The following RNGTT variants were observed in gnomAD, a reference collection of about 807,000 sequenced individuals.
RNGTT encodes RNA guanylyltransferase and 5'-phosphatase.
RNGTT carries 33 observed loss-of-function variants against 79.3 expected under a neutral mutation model. That is an observed-to-expected ratio of 0.42 (90% CI 0.32 to 0.56). RNGTT has a LOEUF of 0.56. Ranked by LOEUF, RNGTT falls within the 20% of genes least tolerant of loss-of-function variation. The pLI is 0.17. For missense variants in RNGTT, 497 were observed against 739.1 expected, an observed-to-expected ratio of 0.67 and a Z score of 3.80; for synonymous variants, 222 against 235.9, an observed-to-expected ratio of 0.94 and a Z score of 0.54.
chr6:88,812,334 AT>A (rs1022691276), intron 11 of RNGTT, among the ~76,000 whole-genome samples: 10 of 152,346 alleles, frequency 6.6e-5, no homozygotes, highest in Non-Finnish European at 8.8e-5. Flanking sequence ...TACCCTCTTA[AT>A]TTTGGTTGCC....
chr6:88,778,650 C>T (rs974199930), intron 12 of RNGTT, among the ~76,000 whole-genome samples: 32 of 151,842 alleles, frequency 2.1e-4, no homozygotes, highest in South Asian at 2.1e-3. Context: ...TCCATTGCAC[C>T]CAGCTCAAAC....
intron 8 of RNGTT, among the ~76,000 whole-genome samples, chr6:88,856,681 T>G (rs1781855187): frequency 6.6e-6 from 1 of 152,178 alleles, no homozygotes; most frequent in South Asian, 2.1e-4. Context: ...GTTCCTGAGC[T>G]ATGATTTTTA....
At chr6:88,927,410 C>T (rs547972584) in intron 4 of RNGTT, among the ~76,000 whole-genome samples, 2 of 152,242 alleles carry the variant, frequency 1.3e-5, no homozygotes, top group East Asian at 3.9e-4. Flanking sequence ...CACCTGTAAT[C>T]CCAGCACTTT....
Position 88,611,844 on chromosome 6 carries a change from TCA to T in RNGTT, c.*873_*874del, listed in dbSNP as rs1417123911. 1 of 152,666 alleles carries T rather than the reference TCA, an allele frequency of 6.6e-6. No individual in the cohort carries two copies. The highest frequency in any genetic ancestry group is 6.5e-5 in the Admixed American group (1 of 15,288). 9.5% of individuals were successfully genotyped at this position (152,666 alleles called of 1,614,324 possible). A position where few individuals can be genotyped will look rare whatever the true frequency, so the allele number is the denominator to read the frequency against. On this transcript the variant is annotated 3_prime_UTR_variant, in exon 16 of 16. Transcript: ENST00000369485. ...TTGTATTTGATATCACTCCCATAGA[TCA>T]CAGTGAGTTGTGTGTTTTAACGTAA...
At chr6:88,892,860 A>G (rs1417435626) in intron 6 of RNGTT, among the ~76,000 whole-genome samples, 1 of 152,128 alleles carries the variant, frequency 6.6e-6, no homozygotes, top group East Asian at 1.9e-4. Context: ...TTAATACTTC[A>G]TCCACATACA....
Position 88,811,493 on chromosome 6 carries a change from C to T in RNGTT, c.1270-9861G>A, listed in dbSNP as rs1209397212. Among the ~76,000 whole-genome samples, 4 of 151,886 alleles carry T rather than the reference C, an allele frequency of 2.6e-5. No individual in the cohort carries two copies. The South Asian group carries it at 6.2e-4, about 24-fold the overall frequency. On this transcript the variant is annotated intron_variant, in intron 11 of 15. Transcript: ENST00000369485. ...TTATGTCTATGAATCATGATGTAAC[C>T]GAAAACCAAGTTGTTATAAATGCAT...
At chr6:88,800,870 GCTCCTGGCATCTATA>G (rs1402039767) in intron 12 of RNGTT, among the ~76,000 whole-genome samples, 1 of 152,178 alleles carries the variant, frequency 6.6e-6, no homozygotes, top group African/African-American at 2.4e-5. Flanking sequence ...TAGGGAGCAT[GCTCCTGGCATCTATA>G]CTCCTGGCAT....
intron 13 of RNGTT, among the ~76,000 whole-genome samples, chr6:88,747,845 C>A (rs1777713634): frequency 6.6e-6 from 1 of 152,160 alleles, no homozygotes; most frequent in Admixed American, 6.5e-5. Context: ...AACAGGTAAG[C>A]CAACAGAGCA....
chr6:88,887,830 A>T (rs1266613859), intron 8 of RNGTT, among the ~76,000 whole-genome samples: 2 of 152,228 alleles, frequency 1.3e-5, no homozygotes, highest in African/African-American at 4.8e-5. Flanking sequence ...TAAAGAGTAT[A>T]TAAGGCCAGA....
chr6:88,949,736 T>TAGC (rs1225569595), intron 1 of RNGTT, among the ~76,000 whole-genome samples: 1 of 152,264 alleles, frequency 6.6e-6, no homozygotes, highest in East Asian at 1.9e-4. Flanking sequence ...AATCTGAAGC[T>TAGC]AGCAGAGGTT....
Position 88,772,709 on chromosome 6 carries a change from A to G in RNGTT, c.1339-2835T>C, listed in dbSNP as rs529993266. The stretch of plus-strand genomic sequence containing the variant: ...GAAGATATTTATGCAGCCAAAAAAC[A>G]CATGAAAAAATGCTCACCATCACTG... On this transcript the variant is annotated intron_variant, in intron 12 of 15. Coordinates refer to ENST00000369485, the MANE Select transcript of RNGTT (RefSeq NM_003800.5). Among the ~76,000 whole-genome samples, 433 of 152,342 alleles carry G rather than the reference A, an allele frequency of 2.8e-3. 1 individual carries two copies. The highest frequency in any genetic ancestry group is 4.7e-3 in the Non-Finnish European group (321 of 68,028).
intron 13 of RNGTT, among the ~76,000 whole-genome samples, chr6:88,678,978 C>CCTTCCACCT (rs750307113): frequency 2.0e-5 from 3 of 152,026 alleles, no homozygotes; most frequent in Non-Finnish European, 2.9e-5. Context: ...TCCTGCCTCC[C>CCTTCCACCT]CTTCCACCTC....
intron 14 of RNGTT, among the ~76,000 whole-genome samples, chr6:88,630,114 T>C (rs1772796327): frequency 6.6e-6 from 1 of 152,188 alleles, no homozygotes; most frequent in South Asian, 2.1e-4. Flanking sequence ...ACTTGCTATA[T>C]GAGGGTCTGC....
chr6:88,801,046 C>T (rs750519347), intron 12 of RNGTT, among the ~76,000 whole-genome samples: 20 of 152,096 alleles, frequency 1.3e-4, no homozygotes, highest in African/African-American at 3.9e-4. Context: ...ATATATGATT[C>T]GACCATTAAG....
chr6:88,617,279 G>T (rs1361069212), intron 14 of RNGTT, among the ~76,000 whole-genome samples: 1 of 152,112 alleles, frequency 6.6e-6, no homozygotes, highest in Non-Finnish European at 1.5e-5. Flanking sequence ...CCAAAAAAAA[G>T]ATTTCTCCTA....
chr6:88,942,450 A>G (rs1459744067), intron 1 of RNGTT, among the ~76,000 whole-genome samples: 1 of 151,852 alleles, frequency 6.6e-6, no homozygotes, highest in African/African-American at 2.4e-5. Flanking sequence ...CAGCCCCTGC[A>G]GCCTCAACCT....
chr6:88,683,444 T>C (rs970410106), intron 13 of RNGTT, among the ~76,000 whole-genome samples: 1 of 152,134 alleles, frequency 6.6e-6, no homozygotes, highest in East Asian at 1.9e-4. Flanking sequence ...CAATTTTAAA[T>C]TACTCCACAA....
intron 13 of RNGTT, among the ~76,000 whole-genome samples, chr6:88,743,685 T>C (rs910204450): frequency 2.0e-5 from 3 of 152,264 alleles, no homozygotes; most frequent in African/African-American, 7.2e-5. Flanking sequence ...TATTCTATTG[T>C]ATGTATATAC....
intron 14 of RNGTT, among the ~76,000 whole-genome samples, chr6:88,644,716 A>C (rs1391460872): frequency 1.3e-5 from 2 of 152,172 alleles, no homozygotes; most frequent in African/African-American, 4.8e-5. Context: ...ATCAATAAAC[A>C]TAATCCAGCA....
Sources: gnomAD v4.1 joint callset for allele counts (sites outside exome capture counted in the v4.1 genomes callset) on GRCh38, gnomAD v4.1.1 for gene constraint, MANE v1.5 for transcripts, NCBI Gene and HGNC (gene_info 2026-07-23, HGNC 2026-07-21) for gene names.